Variants in AGBL1 observed in about 807,000 individuals in gnomAD.
AGBL1 encodes AGBL carboxypeptidase 1, also known as cytosolic carboxypeptidase 4.
AGBL1 carries 130 observed loss-of-function variants against 118.9 expected under a neutral mutation model. The observed-to-expected ratio is 1.09, with a 90% CI of 0.95 to 1.26. The LOEUF (loss-of-function observed/expected upper bound fraction) is 1.26. Ranked by LOEUF, AGBL1 falls within the 50% of genes most tolerant of loss-of-function variation. The pLI, the probability that AGBL1 is intolerant of heterozygous loss-of-function variation, is 0.00. For synonymous variants in AGBL1, 555 were observed against 478.9 expected (o/e 1.16, Z -2.08); for missense variants, 1,584 against 1,298.1 (o/e 1.22, Z -3.38).
At chr15:86,689,074 CAAAG>C (rs2086114681) in intron 22 of AGBL1, among the ~76,000 whole-genome samples, 1 of 152,106 alleles carries the variant, frequency 6.6e-6, no homozygotes. Flanking sequence ...GTCAGTGGAT[CAAAG>C]AAAGCAGAAT....
chr15:86,380,655 A>C (rs2081102240), intron 17 of AGBL1, among the ~76,000 whole-genome samples: 1 of 151,374 alleles, frequency 6.6e-6, no homozygotes, highest in South Asian at 2.1e-4. Context: ...TCTGTCTCTA[A>C]ACCCTGCAAG....
chr15:86,488,551 C>T (rs2082739179), intron 18 of AGBL1, among the ~76,000 whole-genome samples: 1 of 151,982 alleles, frequency 6.6e-6, no homozygotes, highest in Admixed American at 6.6e-5. Context: ...CAAAGGCAGC[C>T]CTCCAATCCA....
At chr15:86,726,693 C>T (rs2086823643) in intron 22 of AGBL1, among the ~76,000 whole-genome samples, 1 of 152,142 alleles carries the variant, frequency 6.6e-6, no homozygotes, top group Non-Finnish European at 1.5e-5. Flanking sequence ...TCCTGAGTAG[C>T]TGGGACTACA....
At chr15:86,209,026 C>T (rs1567127409) in intron 5 of AGBL1, among the ~76,000 whole-genome samples, 2 of 152,140 alleles carry the variant, frequency 1.3e-5, no homozygotes, top group Non-Finnish European at 2.9e-5. Flanking sequence ...TCTTTGTTCT[C>T]GTTAGTTTCA....
chr15:86,583,017 T>TA (rs536768518), intron 21 of AGBL1, among the ~76,000 whole-genome samples: 1 of 150,926 alleles, frequency 6.6e-6, no homozygotes, highest in African/African-American at 2.4e-5. Context: ...ATAATAACAA[T>TA]AAAAAAAAGT....
intron 18 of AGBL1, among the ~76,000 whole-genome samples, chr15:86,417,676 C>T (rs2081715082): frequency 1.3e-5 from 2 of 152,132 alleles, no homozygotes; most frequent in Admixed American, 1.3e-4. Context: ...ACATTGAGAG[C>T]TGAAGGAAGG....
chr15:86,716,885 C>G (rs768395808), intron 22 of AGBL1, among the ~76,000 whole-genome samples: 22 of 152,256 alleles, frequency 1.4e-4, no homozygotes, highest in Non-Finnish European at 2.5e-4. Context: ...CTACTGGAAC[C>G]CTTGTCCGGC....
At chr15:86,365,016 C>CACACACATAT (rs1183004112) in intron 17 of AGBL1, among the ~76,000 whole-genome samples, 1 of 122,016 alleles carries the variant, frequency 8.2e-6, no homozygotes, top group African/African-American at 3.1e-5. Flanking sequence ...TATACACACA[C>CACACACATAT]ATATATATAT....
At chr15:86,457,492 T>A (rs866801934) in intron 18 of AGBL1, among the ~76,000 whole-genome samples, 1 of 152,146 alleles carries the variant, frequency 6.6e-6, no homozygotes, top group African/African-American at 2.4e-5. Context: ...TTAAGAGTGA[T>A]CGTAATAAAG....
chr15:86,116,409 G>A (rs1356587085), intron 1 of AGBL1, among the ~76,000 whole-genome samples: 1 of 152,198 alleles, frequency 6.6e-6, no homozygotes. Flanking sequence ...GTGGGCTAAG[G>A]GATGCCCAGG....
chr15:86,226,646 C>T (rs945359782), intron 6 of AGBL1, among the ~76,000 whole-genome samples: 5 of 152,186 alleles, frequency 3.3e-5, no homozygotes, highest in South Asian at 2.1e-4. Flanking sequence ...AGTGCAAACA[C>T]GGCTTGATTC....
intron 22 of AGBL1, among the ~76,000 whole-genome samples, chr15:86,871,699 G>A (rs1280996437): frequency 1.3e-5 from 2 of 151,890 alleles, no homozygotes; most frequent in Non-Finnish European, 2.9e-5. Flanking sequence ...GCATACACCG[G>A]GACTGTTGGG....
chr15:86,215,321 A>G (rs1231113273), intron 5 of AGBL1, among the ~76,000 whole-genome samples: 3 of 151,890 alleles, frequency 2.0e-5, no homozygotes, highest in Non-Finnish European at 4.4e-5. Flanking sequence ...GCGCTGTAGC[A>G]GATGGTATTC....
chr15:86,259,955 AG>A (rs1187008608), intron 9 of AGBL1, among the ~76,000 whole-genome samples: 3 of 152,196 alleles, frequency 2.0e-5, no homozygotes, highest in African/African-American at 7.2e-5. Context: ...CAGAGGATGG[AG>A]GGGTGGGGTA....
rs556269047 is a variant in AGBL1 at position 86,341,393 on chromosome 15, C to A, written c.2374+45985C>A. 8.3e-4 allele frequency among the ~76,000 whole-genome samples: 121 copies of A among 145,054 alleles called. 2 individuals are homozygous for A. The South Asian group carries it at 0.025, about 30-fold the overall frequency. On this transcript the variant is annotated intron_variant, in intron 17 of 22. Coordinates refer to ENST00000614907, the MANE Select transcript of AGBL1 (RefSeq NM_001386094.1). The stretch of plus-strand genomic sequence containing the variant: ...GATGTAGGAGGCAAAACAAGAACAA[C>A]CAACCTACCCTGAGGTCATTCTTGG...
intron 21 of AGBL1, chr15:86,556,267 C>T: frequency 6.2e-7 from 1 of 1,613,176 alleles, no homozygotes; most frequent in Non-Finnish European, 8.5e-7. Flanking sequence ...AAAGGGCTCA[C>T]CCAGTGGATG....
chr15:86,636,727 A>T (rs1180942058), intron 21 of AGBL1, among the ~76,000 whole-genome samples: 1 of 43,998 alleles, frequency 2.3e-5, no homozygotes, highest in Non-Finnish European at 3.9e-5. Context: ...ATATATATAT[A>T]TATATATATA....
At chr15:86,381,335 A>G (rs190968047) in intron 17 of AGBL1, among the ~76,000 whole-genome samples, 75 of 152,332 alleles carry the variant, frequency 4.9e-4, no homozygotes, top group Admixed American at 1.8e-3. Flanking sequence ...TGAAGTTGAC[A>G]TAATATTCTA....
intron 7 of AGBL1, among the ~76,000 whole-genome samples, chr15:86,255,501 G>T (rs538897420): frequency 6.6e-6 from 1 of 152,188 alleles, no homozygotes; most frequent in Non-Finnish European, 1.5e-5. Flanking sequence ...CTTACTTAAG[G>T]CTGGGCGTGG....
Sources: allele counts gnomAD v4.1 joint callset (sites outside exome capture counted in the v4.1 genomes callset), GRCh38; gene constraint gnomAD v4.1.1; transcripts MANE v1.5; gene names NCBI Gene and HGNC (gene_info 2026-07-23, HGNC 2026-07-21).